The following SYTL2 variants were observed in gnomAD, a reference collection of about 807,000 sequenced individuals.
SYTL2 encodes the protein synaptotagmin-like protein 2.
In SYTL2, 165 loss-of-function variants were observed where a neutral mutation model predicts 198.7. The ratio of observed to expected loss-of-function variants is 0.83; its 90% confidence interval spans 0.73 to 0.94. The LOEUF (loss-of-function observed/expected upper bound fraction) is 0.94, where lower values mean the gene tolerates loss of function less well. Ranked by LOEUF, SYTL2 falls within the 40% of genes least tolerant of loss-of-function variation. The probability of loss-of-function intolerance (pLI) is 0.00; values close to 1 mark genes in which losing one functional copy is unlikely to be tolerated. For missense variants in SYTL2, 2,835 were observed against 2,582.8 expected, an observed-to-expected ratio of 1.10 and a Z score of -2.12; for synonymous variants, 966 against 917.7, an observed-to-expected ratio of 1.05 and a Z score of -0.95.
chr11:85,778,674 C>T (rs910642444), intron 1 of SYTL2, among the ~76,000 whole-genome samples: 3 of 152,200 alleles, frequency 2.0e-5, no homozygotes, highest in African/African-American at 4.8e-5. Flanking sequence ...CACATGCATG[C>T]ACTATCTATT....
chr11:85,702,141 A>G (rs1010322979), intron 16 of SYTL2, among the ~76,000 whole-genome samples: 2 of 151,418 alleles, frequency 1.3e-5, no homozygotes, highest in Non-Finnish European at 2.9e-5. Context: ...AAAAATGTAT[A>G]TTCTTGGGCC....
At chr11:85,831,301 C>T in the SYTL2 span, among the ~76,000 whole-genome samples, 1 of 152,096 alleles carries the variant, frequency 6.6e-6, no homozygotes, top group Non-Finnish European at 1.5e-5. Context: ...AAGCACCTGC[C>T]AACTTTGAAA....
At position 85,734,124 on chromosome 11, in the gene SYTL2, A is replaced by G; in HGVS notation, c.1205T>C (p.Val402Ala). 1 of 1,614,214 alleles carries G rather than the reference A, an allele frequency of 6.2e-7. No individual in the cohort carries two copies. Among genetic ancestry groups the G allele is most frequent in the East Asian group, 2.2e-5 (1 of 44,888 alleles). ...LFHQSTSSPY[V>A]SKSETHQPMT... ...TGGCTGATGTGTTTCACTTTTTGATACATATGGGCTTGAGGTTGATTGATG... is the reference window on the plus strand; with the variant it reads ...TGGCTGATGTGTTTCACTTTTTGATGCATATGGGCTTGAGGTTGATTGATG... The change falls in exon 7 of 20, where the codon GTA (valine) becomes GCA (alanine). Residue 402 changes from valine (V) to alanine (A), a missense_variant. By Grantham distance (64) the Val-to-Ala change is moderately conservative (BLOSUM62 0). Around this residue, in one of 3 missense-constraint regions of SYTL2, gnomAD observed 2,645 missense variants for 2,381.7 expected, o/e 1.11. Transcript: ENST00000359152.
intron 1 of SYTL2, among the ~76,000 whole-genome samples, chr11:85,782,928 T>C (rs1354178080): frequency 6.6e-6 from 1 of 152,242 alleles, no homozygotes; most frequent in East Asian, 1.9e-4. Context: ...AACAAGTCTC[T>C]AGGAAGTTCC....
chr11:85,742,865 C>T (rs1261048619), intron 4 of SYTL2, among the ~76,000 whole-genome samples: 1 of 152,176 alleles, frequency 6.6e-6, no homozygotes, highest in East Asian at 1.9e-4. Context: ...CCTTTTGCTA[C>T]TCCAGAACAA....
intron 18 of SYTL2, among the ~76,000 whole-genome samples, chr11:85,696,782 C>G (rs896302104): frequency 1.3e-5 from 2 of 152,138 alleles, no homozygotes; most frequent in East Asian, 3.9e-4. Flanking sequence ...GCTTAATATG[C>G]TAGTAATCAT....
chr11:85,730,678 T>C (rs688691), intron 7 of SYTL2, among the ~76,000 whole-genome samples: 111,811 of 151,428 alleles, frequency 0.74, 41,861 homozygotes, highest in African/African-American at 0.86. Context: ...CTTTGAAAAC[T>C]GGCACAAGAC....
chr11:85,806,869 A>G (rs1443057014), intron 1 of SYTL2, among the ~76,000 whole-genome samples: 1 of 152,250 alleles, frequency 6.6e-6, no homozygotes, highest in Non-Finnish European at 1.5e-5. Context: ...GCTCAGGGAG[A>G]AAGTGTGACT....
chr11:85,782,090 AC>A (rs1379844600), intron 1 of SYTL2, among the ~76,000 whole-genome samples: 2 of 152,066 alleles, frequency 1.3e-5, no homozygotes, highest in Non-Finnish European at 2.9e-5. Flanking sequence ...TGAGAGTCCC[AC>A]CCCTGCAGAA....
Position 85,745,677 on chromosome 11 carries a change from C to T in SYTL2, c.349G>A (p.Val117Ile). ...AFLPPELAGV[V>I]EEPEEDAAPA... The stretch of plus-strand genomic sequence containing the variant: ...GCTGCATCTTCTTCTGGCTCTTCTA[C>T]AACGCCAGCCAGCTCTGGAGGAAGG... The change falls in exon 4 of 20, where the codon GTA (valine) becomes ATA (isoleucine). Residue 117 changes from valine (V) to isoleucine (I), a missense_variant. Physicochemically the swap from Val to Ile is conservative, Grantham distance 29. This residue lies in a region of SYTL2 where 2,645 missense variants were observed against 2,381.7 expected (regional missense o/e 1.11). Coordinates refer to ENST00000359152, the MANE Select transcript of SYTL2 (RefSeq NM_206927.4). 6.2e-6 allele frequency: 10 copies of T among 1,613,914 alleles called. No individual in the cohort carries two copies. The highest frequency in any genetic ancestry group is 8.5e-6 in the Non-Finnish European group (10 of 1,179,794).
At chr11:85,732,752 A>G (rs1238437476) in intron 7 of SYTL2, among the ~76,000 whole-genome samples, 1 of 152,204 alleles carries the variant, frequency 6.6e-6, no homozygotes, top group East Asian at 1.9e-4. Flanking sequence ...ATTTAAAAAA[A>G]ATTTTTTTTA....
intron 4 of SYTL2, among the ~76,000 whole-genome samples, chr11:85,740,894 C>T (rs1301810212): frequency 1.3e-5 from 2 of 152,204 alleles, no homozygotes; most frequent in African/African-American, 2.4e-5. Flanking sequence ...CAGGAAGGGC[C>T]ACTGGGGGAA....
At chr11:85,756,459 G>A (rs922483346) in intron 2 of SYTL2, among the ~76,000 whole-genome samples, 2 of 152,142 alleles carry the variant, frequency 1.3e-5, no homozygotes, top group African/African-American at 4.8e-5. Flanking sequence ...GAGAGGAGGT[G>A]GAGTTAACAA....
At chr11:85,815,108 C>T (rs11607789), upstream of SYTL2, among the ~76,000 whole-genome samples, 39,071 of 152,114 alleles carry the variant, frequency 0.26, 5,252 homozygotes, top group African/African-American at 0.28. Flanking sequence ...ATGACTTATA[C>T]ACAATAGGCA....
At chr11:85,829,557 G>A in the SYTL2 span, among the ~76,000 whole-genome samples, 13 of 152,186 alleles carry the variant, frequency 8.5e-5, no homozygotes, top group South Asian at 2.7e-3. Flanking sequence ...CTTTTCTTTG[G>A]GTATACACCC....
At chr11:85,708,134 C>G in intron 14 of SYTL2, 2 of 423,946 alleles carry the variant, frequency 4.7e-6, no homozygotes, top group South Asian at 1.7e-5. Context: ...GCCTGGGCAA[C>G]AACAGTGAAA....
chr11:85,769,067 A>C (rs1413704705), intron 1 of SYTL2, among the ~76,000 whole-genome samples: 1 of 152,238 alleles, frequency 6.6e-6, no homozygotes, highest in Non-Finnish European at 1.5e-5. Flanking sequence ...ATTCAATGGA[A>C]TACAGAAAAG....
At chr11:85,795,809 G>A (rs186695771) in intron 1 of SYTL2, among the ~76,000 whole-genome samples, 54 of 152,078 alleles carry the variant, frequency 3.6e-4, no homozygotes, top group African/African-American at 1.3e-3. Flanking sequence ...TCAGCAAACT[G>A]ACAGAGCAGG....
At position 85,709,344 on chromosome 11, in the gene SYTL2, G is replaced by A. The variant is rs751245767; in HGVS notation, c.5902C>T (p.Gln1968Ter). The A allele has an allele frequency of 6.2e-7, 1 of 1,614,056 alleles. No homozygotes were observed. Residue 1968 changes from glutamine (Q) to a stop codon, truncating the protein, a stop_gained, in exon 14 of 20, where the codon CAG becomes TAG. Transcript: ENST00000359152. LOFTEE classifies it high-confidence loss of function. The part of the protein sequence containing the change: ...KDLAAADVKK[Q>*]RSDPYVKAYL... The stretch of plus-strand genomic sequence containing the variant: ...AAATGTACTTACGGGTCTGAACGCT[G>A]TTTTTTTACATCCGCTGCTGCTAAG...
Sources: allele counts gnomAD v4.1 joint callset (sites outside exome capture counted in the v4.1 genomes callset), GRCh38; gene constraint gnomAD v4.1.1; regional missense constraint gnomAD v4.1.1; transcripts MANE v1.5; gene names NCBI Gene and HGNC (gene_info 2026-07-23, HGNC 2026-07-21).